The following DARS1 variants were observed in gnomAD, a reference collection of about 807,000 sequenced individuals.
DARS1 encodes aspartyl-tRNA synthetase 1.
DARS1 carries 51 observed loss-of-function variants against 68.8 expected under a neutral mutation model. The observed-to-expected ratio is 0.74, with a 90% CI of 0.59 to 0.94. The LOEUF (loss-of-function observed/expected upper bound fraction) is 0.94. Among genes scored for constraint, DARS1 ranks in the 40% least tolerant of loss-of-function variants. The pLI, the probability that DARS1 is intolerant of heterozygous loss-of-function variation, is 0.00. For missense variants in DARS1, 607 were observed against 597.3 expected (o/e 1.02, Z -0.17); for synonymous variants, 203 against 190.4 (o/e 1.07, Z -0.55).
intron 3 of DARS1, among the ~76,000 whole-genome samples, chr2:135,963,614 C>T (rs2104835793): frequency 6.6e-6 from 1 of 151,974 alleles, no homozygotes; most frequent in East Asian, 1.9e-4. Flanking sequence ...TCAGGTGATC[C>T]ACCCACCTCA....
chr2:135,915,286 T>C (rs1411544101), intron 11 of DARS1, among the ~76,000 whole-genome samples: 1 of 152,036 alleles, frequency 6.6e-6, no homozygotes, highest in East Asian at 1.9e-4. Context: ...TTTACATGTT[T>C]TGTTTATTTA....
intron 4 of DARS1, among the ~76,000 whole-genome samples, chr2:135,944,073 T>C (rs1026603684): frequency 6.6e-6 from 1 of 152,130 alleles, no homozygotes; most frequent in African/African-American, 2.4e-5. Flanking sequence ...ATATGATGAG[T>C]GTAAAATAAA....
chr2:135,911,542 A>G (rs766925457), intron 13 of DARS1, 49 bp from the exon 14 acceptor site: 5 of 789,232 alleles, frequency 6.3e-6, no homozygotes, highest in African/African-American at 1.7e-5. Flanking sequence ...TCCTATTTCT[A>G]TTACATATAT....
intron 3 of DARS1, among the ~76,000 whole-genome samples, chr2:135,969,607 GCACTA>G (rs1448857790): frequency 1.3e-5 from 2 of 150,262 alleles, no homozygotes; most frequent in African/African-American, 4.9e-5. Context: ...AGTTAAACAA[GCACTA>G]TACTAAAAAA....
At chr2:135,916,488 G>T in intron 10 of DARS1, 116 bp from the exon 11 acceptor site, 2 of 481,322 alleles carry the variant, frequency 4.2e-6, no homozygotes, top group Middle Eastern at 4.5e-4. Context: ...ACCAGGAAAA[G>T]CATTATCAAA....
intron 4 of DARS1, among the ~76,000 whole-genome samples, chr2:135,950,787 G>A (rs1283036524): frequency 6.6e-6 from 1 of 152,196 alleles, no homozygotes; most frequent in Non-Finnish European, 1.5e-5. Flanking sequence ...CTGAGGAATA[G>A]GAATCAGTTG....
Position 135,923,238 on chromosome 2 carries a change from C to A in DARS1, c.677-320G>T, listed in dbSNP as rs1681142370. 1.3e-5 allele frequency among the ~76,000 whole-genome samples: 2 copies of A among 151,658 alleles called. 1 individual carries two copies. Among genetic ancestry groups the A allele is most frequent in the South Asian group, 4.2e-4 (2 of 4,804 alleles). ...TTTTTTTAAAATGAAAAAATATATT[C>A]TTCATCATTTTTCCTCTTTTAAAAA... On this transcript the variant is annotated intron_variant, in intron 8 of 15. Transcript: ENST00000264161.
rs78081965 is a variant in DARS1 at position 135,910,444 on chromosome 2, T to G, written c.1414+695A>C. The stretch of plus-strand genomic sequence containing the variant: ...TGTTGAGCATTTTTTCATATACCTA[T>G]TGGCCATTTATATGTAGGTTTTACA... On this transcript the variant is annotated intron_variant, in intron 15 of 15. Transcript: ENST00000264161. Among the ~76,000 whole-genome samples, 1,165 of 152,298 alleles carry G rather than the reference T, an allele frequency of 7.6e-3. 98 individuals carry two copies. In the East Asian group the frequency reaches 0.2, roughly 25 times the overall value.
rs1478667244 is a variant in DARS1 at position 135,927,853 on chromosome 2, TATTAAA to T, written c.565-3361_565-3356del. Among the ~76,000 whole-genome samples the T allele has an allele frequency of 2.0e-5, 3 of 152,170 alleles. No homozygotes were observed. The East Asian group carries it at 5.8e-4, about 29-fold the overall frequency. ...ATAGCAAACTTCCCAAAAGTATGGTTATTAAAATTAAAACACTGCTATTCTGTATTA... is the reference window on the plus strand; with the variant it reads ...ATAGCAAACTTCCCAAAAGTATGGTTATTAAAACACTGCTATTCTGTATTA... On this transcript the variant is annotated intron_variant, in intron 7 of 15. Transcript: ENST00000264161.
chr2:135,925,674 T>C (rs1179764149), intron 7 of DARS1, among the ~76,000 whole-genome samples: 1 of 152,234 alleles, frequency 6.6e-6, no homozygotes, highest in Non-Finnish European at 1.5e-5. Context: ...AAGGTCTTTA[T>C]AATTTATTAG....
At chr2:135,921,331 T>C (rs1311862397) in intron 9 of DARS1, among the ~76,000 whole-genome samples, 1 of 151,858 alleles carries the variant, frequency 6.6e-6, no homozygotes, top group Non-Finnish European at 1.5e-5. Flanking sequence ...TAACCTATAT[T>C]TCTCACTTCT....
At chr2:135,981,754 G>A (rs1682637727) in intron 2 of DARS1, among the ~76,000 whole-genome samples, 1 of 149,724 alleles carries the variant, frequency 6.7e-6, no homozygotes, top group Middle Eastern at 3.2e-3. Context: ...CCGCAGCCTT[G>A]ACCTCACAGG....
intron 5 of DARS1, among the ~76,000 whole-genome samples, chr2:135,936,073 T>C (rs1681466506): frequency 6.6e-6 from 1 of 152,172 alleles, no homozygotes; most frequent in Non-Finnish European, 1.5e-5. Context: ...TCATCCTCTT[T>C]ACTAGACCAT....
chr2:135,936,968 T>G (rs1490702839), intron 5 of DARS1, among the ~76,000 whole-genome samples: 1 of 152,232 alleles, frequency 6.6e-6, no homozygotes, highest in Non-Finnish European at 1.5e-5. Flanking sequence ...TCTTAAAGAC[T>G]ACTCCTTAAG....
intron 3 of DARS1, among the ~76,000 whole-genome samples, chr2:135,964,087 G>C (rs1324635631): frequency 6.6e-6 from 1 of 152,264 alleles, no homozygotes; most frequent in South Asian, 2.1e-4. Context: ...TATGCAGGGC[G>C]CTGGGAACAC....
chr2:135,955,143 C>CAAAAAA (rs76946722), intron 4 of DARS1, among the ~76,000 whole-genome samples: 1 of 109,596 alleles, frequency 9.1e-6, no homozygotes, highest in Non-Finnish European at 2.0e-5. Context: ...TTACCACCAC[C>CAAAAAA]AAAAAAAAAA....
chr2:135,940,864 TAACA>T (rs1436086924), intron 5 of DARS1, among the ~76,000 whole-genome samples: 3 of 152,076 alleles, frequency 2.0e-5, no homozygotes, highest in East Asian at 3.9e-4. Flanking sequence ...TATACACCAA[TAACA>T]AACAAACAGA....
intron 4 of DARS1, among the ~76,000 whole-genome samples, chr2:135,954,471 G>A (rs1050512338): frequency 6.6e-6 from 1 of 152,072 alleles, no homozygotes. Context: ...GTGGCTCCAC[G>A]CTTAGTATAG....
chr2:135,972,811 G>C (rs1453111988), intron 3 of DARS1, among the ~76,000 whole-genome samples: 2 of 152,064 alleles, frequency 1.3e-5, no homozygotes, highest in Non-Finnish European at 2.9e-5. Flanking sequence ...TGGCAAAAAG[G>C]CATATGAAAA....
Sources: gnomAD v4.1 joint callset for allele counts (sites outside exome capture counted in the v4.1 genomes callset) on GRCh38, gnomAD v4.1.1 for gene constraint, MANE v1.5 for transcripts, NCBI Gene and HGNC (gene_info 2026-07-23, HGNC 2026-07-21) for gene names.